The following GLMN variants were observed in gnomAD, a reference collection of about 807,000 sequenced individuals.
GLMN encodes glomulin, FKBP associated protein.
GLMN carries 75 observed loss-of-function variants against 87.8 expected under a neutral mutation model. The observed-to-expected ratio is 0.85, with a 90% CI of 0.71 to 1.04. The LOEUF is 1.04. Among genes scored for constraint, GLMN ranks in the 50% least tolerant of loss-of-function variants. GLMN has a pLI of 0.00. For missense variants in GLMN, 588 were observed against 658.8 expected (o/e 0.89, Z 1.18); for synonymous variants, 206 against 221.6 (o/e 0.93, Z 0.63).
Position 92,291,342 on chromosome 1 carries a change from A to G in GLMN, c.285+76T>C, listed in dbSNP as rs1376804630. Reference sequence around the variant, plus strand: ...TTCATGAACCAAAAGCTTTCTTACCAAACAATAAACATTAAAGGGAATTAT... The same window carrying G: ...TTCATGAACCAAAAGCTTTCTTACCGAACAATAAACATTAAAGGGAATTAT... On this transcript the variant is annotated intron_variant, in intron 4 of 18. Transcript: ENST00000370360. The G allele has an allele frequency of 3.8e-6, 5 of 1,320,940 alleles. No individual in the cohort carries two copies. The African/African-American group carries it at 7.3e-5, about 19-fold the overall frequency. The allele number at this position is 1,320,940 out of a possible 1,614,324, so 81.8% of individuals were successfully genotyped here.
chr1:92,301,282 G>A (rs1650837495), upstream of GLMN, among the ~76,000 whole-genome samples: 1 of 152,302 alleles, frequency 6.6e-6, no homozygotes, highest in East Asian at 1.9e-4. Flanking sequence ...CCAGGAGCTC[G>A]AGACCAGTTT....
At chr1:92,362,168 A>G in the GLMN span, among the ~76,000 whole-genome samples, 1 of 152,218 alleles carries the variant, frequency 6.6e-6, no homozygotes. Flanking sequence ...AGGTGTATTA[A>G]GAGTGCTCGT....
intron 1 of GLMN, among the ~76,000 whole-genome samples, chr1:92,298,343 G>C (rs1650406383): frequency 6.6e-6 from 1 of 151,714 alleles, no homozygotes; most frequent in African/African-American, 2.4e-5. Flanking sequence ...AAAACCTCTC[G>C]AGCACTCCCA....
In GLMN at chr1:92,286,555, G is replaced by C; in HGVS notation, c.670C>G (p.Gln224Glu). 6.2e-7 allele frequency: 1 copy of C among 1,606,684 alleles called. No homozygotes were observed. The highest frequency in any genetic ancestry group is 2.2e-5 in the East Asian group (1 of 44,812). Residue 224 changes from glutamine (Q) to glutamate (E), a missense_variant, in exon 7 of 19, where the codon CAA becomes GAA. By Grantham distance (29) the Gln-to-Glu change is conservative. Transcript: ENST00000370360. Reference protein sequence around the residue: ...KSLKCPLLTAQFFEQSEEGGN... With the variant: ...KSLKCPLLTAEFFEQSEEGGN... Reference sequence around the variant, plus strand: ...CCTTCTTCAGACTGTTCAAAGAATTGTGCTGTCAGCAAAGGGCATTTCAAG... The same window carrying C: ...CCTTCTTCAGACTGTTCAAAGAATTCTGCTGTCAGCAAAGGGCATTTCAAG...
upstream of GLMN, chr1:92,303,896 TAAG>T: frequency 1.1e-6 from 1 of 872,734 alleles, no homozygotes; most frequent in East Asian, 2.6e-5. Flanking sequence ...TGTTTTCAGA[TAAG>T]ATTGATGAGG....
intron 3 of GLMN, among the ~76,000 whole-genome samples, chr1:92,293,996 C>CA (rs755356697): frequency 0.079 from 8,128 of 103,380 alleles, 685 homozygotes; most frequent in African/African-American, 0.24. Flanking sequence ...TAATGGGTAC[C>CA]AAAAAAAAAA....
At chr1:92,273,904 GGC>G (rs1656533985) in intron 7 of GLMN, among the ~76,000 whole-genome samples, 1 of 151,978 alleles carries the variant, frequency 6.6e-6, no homozygotes, top group African/African-American at 2.4e-5. Flanking sequence ...GGCTGTACCT[GGC>G]ACCATACAAT....
Position 92,291,417 on chromosome 1 carries a change from C to G in GLMN, c.285+1G>C, listed in dbSNP as rs768355711. The G allele has an allele frequency of 6.4e-7, 1 of 1,564,244 alleles. No homozygotes were observed. The highest frequency in any genetic ancestry group is 8.8e-7 in the Non-Finnish European group (1 of 1,134,774). On this transcript the variant is annotated splice_donor_variant, in intron 4 of 18. Coordinates refer to ENST00000370360, the MANE Select transcript of GLMN (RefSeq NM_053274.3). LOFTEE classifies it high-confidence loss of function. ...AAGAGAACCTTGTTTTGTTAACTTA[C>G]CTTTACCAATAAATCAAAGATCAAA...
chr1:92,335,031 T>C, the GLMN span, among the ~76,000 whole-genome samples: 1 of 151,934 alleles, frequency 6.6e-6, no homozygotes, highest in South Asian at 2.1e-4. Flanking sequence ...GTTGTGGGGC[T>C]ACTACTCAGG....
chr1:92,304,295 G>A, the GLMN span: 1 of 1,487,930 alleles, frequency 6.7e-7, no homozygotes, highest in African/African-American at 1.4e-5. Context: ...TACCAAAACA[G>A]AAATATAAAA....
chr1:92,332,619 G>C, the GLMN span, among the ~76,000 whole-genome samples: 1 of 152,058 alleles, frequency 6.6e-6, no homozygotes, highest in African/African-American at 2.4e-5. Flanking sequence ...TGTAATCAGA[G>C]ATTAAGATGA....
intron 7 of GLMN, among the ~76,000 whole-genome samples, chr1:92,281,170 A>T (rs1023537507): frequency 1.3e-4 from 20 of 152,236 alleles, no homozygotes; most frequent in Non-Finnish European, 1.5e-5. Flanking sequence ...TAATTGTCAG[A>T]TTCACCAAGG....
intron 9 of GLMN, among the ~76,000 whole-genome samples, chr1:92,269,257 A>C (rs555435273): frequency 6.6e-6 from 1 of 151,562 alleles, no homozygotes; most frequent in African/African-American, 2.4e-5. Flanking sequence ...AAATGAGAAA[A>C]GTTGTAATTG....
chr1:92,303,458 C>T (rs961717833), upstream of GLMN, among the ~76,000 whole-genome samples: 13 of 152,136 alleles, frequency 8.5e-5, no homozygotes, highest in Admixed American at 4.6e-4. Context: ...TTATAACCAT[C>T]ACCTCACCAC....
At chr1:92,257,902 A>G (rs1178478949) in intron 16 of GLMN, among the ~76,000 whole-genome samples, 1 of 152,218 alleles carries the variant, frequency 6.6e-6, no homozygotes, top group African/African-American at 2.4e-5. Context: ...CAAAAGCCAA[A>G]ATGGACAAAT....
rs1345302030 is a variant in GLMN, at chr1:92,271,636, A to G, written c.752T>C (p.Ile251Thr). Reference protein sequence around the residue: ...ASEIIGFLSAIGHPFPKMIFN... With the variant: ...ASEIIGFLSATGHPFPKMIFN... ...AATCATTTTGGGGAAAGGGTGTCCA[A>G]TTGCTGATAAAAAACCCTATGAAAT... The change falls in exon 8 of 19, where the codon ATT becomes ACT. Residue 251 changes from isoleucine (I) to threonine (T), a missense_variant. Coordinates refer to ENST00000370360, the MANE Select transcript of GLMN (RefSeq NM_053274.3). The G allele has an allele frequency of 1.9e-6, 3 of 1,611,596 alleles. No individual in the cohort carries two copies. The highest frequency in any genetic ancestry group is 2.7e-5 in the African/African-American group (2 of 74,782).
the GLMN span, among the ~76,000 whole-genome samples, chr1:92,317,786 C>A: frequency 6.6e-6 from 1 of 152,132 alleles, no homozygotes; most frequent in Admixed American, 6.5e-5. Flanking sequence ...ATACAATTTT[C>A]TTTTAATTCT....
Position 92,271,538 on chromosome 1 carries a change from C to A in GLMN, c.850G>T (p.Asp284Tyr), listed in dbSNP as rs1265559617. Reference protein sequence around the residue: ...FEEEENKQLADSMASLAYLVF... With the variant: ...FEEEENKQLAYSMASLAYLVF... ...AGATATGCCAGAGAAGCCATTGAGT[C>A]TGCTAACTGTTTATTTTCTTCTTCT... Residue 284 changes from aspartate (D) to tyrosine (Y), a missense_variant, in exon 8 of 19, where the codon GAC (aspartate) becomes TAC (tyrosine). Transcript: ENST00000370360. 3 of 1,612,436 alleles carry A rather than the reference C, an allele frequency of 1.9e-6. No individual in the cohort carries two copies. The highest frequency in any genetic ancestry group is 2.2e-5 in the East Asian group (1 of 44,864).
the GLMN span, chr1:92,324,032 A>G: frequency 8.1e-6 from 13 of 1,613,950 alleles, no homozygotes; most frequent in East Asian, 2.9e-4. Context: ...AAAGTTTTGA[A>G]GGAGACTTTG....
Sources: gnomAD v4.1 joint callset for allele counts (sites outside exome capture counted in the v4.1 genomes callset) on GRCh38, gnomAD v4.1.1 for gene constraint, MANE v1.5 for transcripts, NCBI Gene and HGNC (gene_info 2026-07-23, HGNC 2026-07-21) for gene names.